Variants in HECW2 observed in about 807,000 individuals in gnomAD.
The protein encoded by HECW2 is E3 ubiquitin-protein ligase HECW2.
A neutral mutation model predicts 175.2 loss-of-function variants in HECW2; 61 were observed. The ratio of observed to expected loss-of-function variants is 0.35; its 90% CI spans 0.28 to 0.43. The LOEUF is 0.43. HECW2 is among the 20% of genes least tolerant of loss of function. HECW2 has a pLI of 1.00. For synonymous variants in HECW2, 671 were observed against 731.0 expected, an observed-to-expected ratio of 0.92 and a Z score of 1.32; for missense variants, 1,524 against 2,000.5, an observed-to-expected ratio of 0.76 and a Z score of 4.54.
chr2:196,452,268 T>C (rs6729138), intron 1 of HECW2, among the ~76,000 whole-genome samples: 20,209 of 152,228 alleles, frequency 0.13, 1,810 homozygotes, highest in African/African-American at 0.26. Flanking sequence ...ATATTGATCA[T>C]AAGTTTTTAC....
intron 1 of HECW2, among the ~76,000 whole-genome samples, chr2:196,583,916 A>T (rs1690883211): frequency 6.6e-6 from 1 of 152,226 alleles, no homozygotes. Flanking sequence ...CACCTAAAAC[A>T]GCAGATGATT....
At chr2:196,331,122 C>T (rs1692342680) in intron 4 of HECW2, 1 of 984,212 alleles carries the variant, frequency 1.0e-6, no homozygotes, top group East Asian at 1.1e-4. Flanking sequence ...ATTTTGTGTG[C>T]CACTTAACTG....
chr2:196,528,499 G>T (rs1466772953), intron 1 of HECW2, among the ~76,000 whole-genome samples: 1 of 152,202 alleles, frequency 6.6e-6, no homozygotes, highest in Admixed American at 6.5e-5. Flanking sequence ...TTCAAAGTCA[G>T]TGGTGAGAAT....
At chr2:196,323,397 G>A (rs1441779747) in intron 6 of HECW2, among the ~76,000 whole-genome samples, 1 of 152,160 alleles carries the variant, frequency 6.6e-6, no homozygotes, top group Non-Finnish European at 1.5e-5. Flanking sequence ...GAGAATCTCA[G>A]GATAAGTAAA....
chr2:196,286,620 T>C (rs548074979), intron 14 of HECW2, among the ~76,000 whole-genome samples: 34 of 152,264 alleles, frequency 2.2e-4, no homozygotes, highest in African/African-American at 8.2e-4. Context: ...ACGCATTAAT[T>C]CTTTCTAACA....
chr2:196,286,932 A>T (rs1389747265), intron 14 of HECW2, among the ~76,000 whole-genome samples: 2 of 152,240 alleles, frequency 1.3e-5, no homozygotes, highest in African/African-American at 4.8e-5. Context: ...ACTGAGATAA[A>T]TAGGACTTGA....
chr2:196,324,598 A>T (rs1011930011), intron 6 of HECW2, among the ~76,000 whole-genome samples: 10 of 152,048 alleles, frequency 6.6e-5, no homozygotes. Flanking sequence ...AGTATTGCTG[A>T]TTTTTCCTCT....
chr2:196,517,086 G>A (rs1319754113), intron 1 of HECW2, among the ~76,000 whole-genome samples: 2 of 152,200 alleles, frequency 1.3e-5, no homozygotes, highest in Non-Finnish European at 2.9e-5. Flanking sequence ...CTGATGGCGG[G>A]ACAAGCCAGT....
chr2:196,222,438 A>T (rs3816517), intron 23 of HECW2, 98 bp from the exon 24 acceptor site: 11 of 1,136,342 alleles, frequency 9.7e-6, no homozygotes, highest in East Asian at 5.1e-5. Flanking sequence ...GAGAAGAATA[A>T]GAGCCACTAC....
chr2:196,303,845 T>A (rs1293301966), intron 13 of HECW2, among the ~76,000 whole-genome samples: 1 of 152,142 alleles, frequency 6.6e-6, no homozygotes, highest in Non-Finnish European at 1.5e-5. Flanking sequence ...CTTGAAGCCC[T>A]TTTTTCTCCT....
intron 27 of HECW2, 60 bp from the exon 28 acceptor site, chr2:196,216,037 C>T: frequency 8.5e-7 from 1 of 1,171,294 alleles, no homozygotes; most frequent in South Asian, 1.2e-5. Flanking sequence ...CCAGGAAAGG[C>T]ATCACGTCAT....
At position 196,456,776 on chromosome 2, in the gene HECW2, T is replaced by A. The variant is rs144937624; in HGVS notation, c.-35-23318A>T. Among the ~76,000 whole-genome samples, 706 of 152,222 alleles carry A rather than the reference T, an allele frequency of 4.6e-3. 7 individuals are homozygous for A. Among genetic ancestry groups the A allele is most frequent in the African/African-American group, 0.016 (658 of 41,532 alleles). ...ACTTTTTTACAGATTTTCCAGAATATCAAATAAGGGAAATTGATCAAGCAA... is the reference window on the plus strand; with the variant it reads ...ACTTTTTTACAGATTTTCCAGAATAACAAATAAGGGAAATTGATCAAGCAA... On this transcript the variant is annotated intron_variant, in intron 1 of 28. Transcript: ENST00000644978.
At chr2:196,502,963 A>G (rs1687626986) in intron 1 of HECW2, among the ~76,000 whole-genome samples, 1 of 152,246 alleles carries the variant, frequency 6.6e-6, no homozygotes, top group Non-Finnish European at 1.5e-5. Flanking sequence ...CTTGACTTTC[A>G]TAATGGCCTA....
At chr2:196,532,346 GA>G (rs1688867628) in intron 1 of HECW2, among the ~76,000 whole-genome samples, 1 of 152,152 alleles carries the variant, frequency 6.6e-6, no homozygotes, top group Non-Finnish European at 1.5e-5. Context: ...GATGAAGCTG[GA>G]AACCATTATT....
At chr2:196,308,378 T>G (rs1691350657) in intron 10 of HECW2, among the ~76,000 whole-genome samples, 1 of 152,154 alleles carries the variant, frequency 6.6e-6, no homozygotes, top group Non-Finnish European at 1.5e-5. Context: ...GCCCCAGCAT[T>G]TTAAAAATAT....
chr2:196,513,371 C>T (rs1377995250), intron 1 of HECW2, among the ~76,000 whole-genome samples: 6 of 152,098 alleles, frequency 3.9e-5, no homozygotes, highest in African/African-American at 1.4e-4. Flanking sequence ...TAGCTGGGCA[C>T]GTTGGCACAT....
At chr2:196,393,764 G>T (rs1201001435) in intron 2 of HECW2, among the ~76,000 whole-genome samples, 1 of 152,180 alleles carries the variant, frequency 6.6e-6, no homozygotes, top group Non-Finnish European at 1.5e-5. Context: ...CAAGTATCTA[G>T]AACTAAAATA....
chr2:196,222,398 G>C, intron 23 of HECW2, 58 bp from the exon 24 acceptor site: 1 of 1,511,826 alleles, frequency 6.6e-7, no homozygotes, highest in Non-Finnish European at 9.0e-7. Flanking sequence ...CAAAAACCCA[G>C]AGTCATAAGG....
At chr2:196,564,788 C>T (rs1256932487) in intron 1 of HECW2, among the ~76,000 whole-genome samples, 1 of 151,988 alleles carries the variant, frequency 6.6e-6, no homozygotes, top group Non-Finnish European at 1.5e-5. Context: ...TGGAGTTTGA[C>T]AGCAATTAAA....
Sources: gnomAD v4.1 joint callset for allele counts (sites outside exome capture counted in the v4.1 genomes callset) on GRCh38, gnomAD v4.1.1 for gene constraint, MANE v1.5 for transcripts, NCBI Gene and HGNC (gene_info 2026-07-23, HGNC 2026-07-21) for gene names.